Variants in CDH12 observed in about 807,000 individuals in gnomAD.
The protein encoded by CDH12 is cadherin 12.
A neutral mutation model predicts 74.1 loss-of-function variants in CDH12; 41 were observed. The ratio of observed to expected loss-of-function variants is 0.55; its 90% CI spans 0.43 to 0.72. The LOEUF is 0.72. Among genes scored for constraint, CDH12 ranks in the 30% least tolerant of loss-of-function variants. The probability of loss-of-function intolerance (pLI) is 0.00; values close to 1 mark genes in which losing one functional copy is unlikely to be tolerated. For missense variants in CDH12, 945 were observed against 977.2 expected, an observed-to-expected ratio of 0.97 and a Z score of 0.44; for synonymous variants, 399 against 355.0, an observed-to-expected ratio of 1.12 and a Z score of -1.39.
intron 6 of CDH12, chr5:21,883,731 A>G: frequency 1.9e-6 from 3 of 1,592,958 alleles, no homozygotes; most frequent in Non-Finnish European, 2.6e-6. Context: ...GTTAGATGTC[A>G]CAACTAGTGA....
At chr5:21,893,496 C>A (rs964905563) in intron 6 of CDH12, among the ~76,000 whole-genome samples, 1 of 152,122 alleles carries the variant, frequency 6.6e-6, no homozygotes, top group African/African-American at 2.4e-5. Context: ...CTAAATAGTG[C>A]AGCTTACATT....
At chr5:22,300,677 A>G (rs1737841256) in intron 3 of CDH12, among the ~76,000 whole-genome samples, 1 of 152,224 alleles carries the variant, frequency 6.6e-6, no homozygotes, top group African/African-American at 2.4e-5. Flanking sequence ...ACATTTCTCA[A>G]ATGTATGAAT....
chr5:22,765,133 C>T (rs1403841518), intron 1 of CDH12, among the ~76,000 whole-genome samples: 1 of 151,778 alleles, frequency 6.6e-6, no homozygotes, highest in African/African-American at 2.4e-5. Flanking sequence ...GTGCACGTTT[C>T]AAAATATGGT....
intron 3 of CDH12, among the ~76,000 whole-genome samples, chr5:22,255,468 C>A (rs138653701): frequency 0.014 from 2,062 of 151,550 alleles, 27 homozygotes; most frequent in Admixed American, 0.03. Flanking sequence ...ACATCATTAG[C>A]CATGTGGCTC....
At chr5:22,023,592 T>C (rs563808706) in intron 5 of CDH12, among the ~76,000 whole-genome samples, 40 of 151,762 alleles carry the variant, frequency 2.6e-4, no homozygotes, top group South Asian at 6.2e-4. Flanking sequence ...TATATATATA[T>C]ACACACACAC....
chr5:22,833,744 A>G (rs1321660249), intron 1 of CDH12, among the ~76,000 whole-genome samples: 4 of 152,230 alleles, frequency 2.6e-5, no homozygotes, highest in Non-Finnish European at 4.4e-5. Flanking sequence ...ATCATAATGT[A>G]TAATATTGTA....
At chr5:22,093,572 A>G (rs1743563408) in intron 4 of CDH12, among the ~76,000 whole-genome samples, 1 of 152,212 alleles carries the variant, frequency 6.6e-6, no homozygotes, top group South Asian at 2.1e-4. Context: ...ATAGGTGAAT[A>G]AAGACAGAGG....
At chr5:22,811,250 C>T (rs959822699) in intron 1 of CDH12, among the ~76,000 whole-genome samples, 8 of 151,840 alleles carry the variant, frequency 5.3e-5, no homozygotes, top group South Asian at 4.1e-4. Flanking sequence ...AAGAGGAAAG[C>T]GAGGGCAATA....
chr5:22,646,816 G>C (rs879215178), intron 1 of CDH12, among the ~76,000 whole-genome samples: 1 of 151,872 alleles, frequency 6.6e-6, no homozygotes. Flanking sequence ...ACTGCATTGA[G>C]AGAACACTGC....
chr5:21,940,325 A>G (rs1755273272), intron 6 of CDH12, among the ~76,000 whole-genome samples: 1 of 152,176 alleles, frequency 6.6e-6, no homozygotes, highest in South Asian at 2.1e-4. Flanking sequence ...TGGTCTTTGG[A>G]TATCATTCTG....
chr5:21,903,069 CA>C (rs1174350061), intron 6 of CDH12, among the ~76,000 whole-genome samples: 1 of 151,804 alleles, frequency 6.6e-6, no homozygotes, highest in Non-Finnish European at 1.5e-5. Flanking sequence ...TGAAAACAAC[CA>C]TTAGGTGCTG....
intron 3 of CDH12, among the ~76,000 whole-genome samples, chr5:22,337,185 A>T (rs555693808): frequency 1.8e-3 from 273 of 152,198 alleles, no homozygotes; most frequent in Middle Eastern, 3.4e-3. Context: ...CAATGCCAGT[A>T]CCCCATTGTA....
chr5:22,286,500 A>T (rs568505387), intron 3 of CDH12, among the ~76,000 whole-genome samples: 4 of 152,298 alleles, frequency 2.6e-5, no homozygotes, highest in African/African-American at 9.6e-5. Flanking sequence ...CTTCTGCAAT[A>T]TTGTTAAATG....
intron 3 of CDH12, among the ~76,000 whole-genome samples, chr5:22,302,277 G>A (rs999755021): frequency 2.0e-5 from 3 of 151,976 alleles, no homozygotes; most frequent in African/African-American, 7.2e-5. Flanking sequence ...GCAAATTAGT[G>A]CTTGTGTCAA....
chr5:22,379,134 C>A (rs1471897743), intron 3 of CDH12, among the ~76,000 whole-genome samples: 1 of 152,086 alleles, frequency 6.6e-6, no homozygotes, highest in Admixed American at 6.6e-5. Context: ...TAGTAAGAAA[C>A]TTAATACAGT....
chr5:21,909,676 TTAA>T (rs1295826742), intron 6 of CDH12, among the ~76,000 whole-genome samples: 1 of 152,140 alleles, frequency 6.6e-6, no homozygotes, highest in Non-Finnish European at 1.5e-5. Context: ...ATAAGGACAA[TTAA>T]TGATGCAAAA....
chr5:21,883,936 C>T, intron 6 of CDH12: 3 of 1,607,768 alleles, frequency 1.9e-6, no homozygotes, highest in Admixed American at 3.3e-5. Context: ...CGATGCATTC[C>T]AGCCTTGGAC....
At chr5:22,672,088 TTA>T (rs1453808072) in intron 1 of CDH12, among the ~76,000 whole-genome samples, 3 of 120,858 alleles carry the variant, frequency 2.5e-5, no homozygotes, top group African/African-American at 9.8e-5. Context: ...ATATAAATAA[TTA>T]TATATAATAT....
intron 1 of CDH12, among the ~76,000 whole-genome samples, chr5:22,714,507 C>A (rs1450946601): frequency 1.3e-5 from 2 of 152,064 alleles, no homozygotes; most frequent in African/African-American, 2.4e-5. Flanking sequence ...TATCTGATGG[C>A]AGGTCATGAG....
Sources: gnomAD v4.1 joint callset for allele counts (sites outside exome capture counted in the v4.1 genomes callset) on GRCh38, gnomAD v4.1.1 for gene constraint, MANE v1.5 for transcripts, NCBI Gene and HGNC (gene_info 2026-07-23, HGNC 2026-07-21) for gene names.